Variants in ADAP2 observed in about 807,000 individuals in gnomAD.
ADAP2 encodes ArfGAP with dual PH domains 2, also known as arf-GAP with dual PH domain-containing protein 2.
A neutral mutation model predicts 54.9 loss-of-function variants in ADAP2; 42 were observed. The observed-to-expected ratio is 0.77, with a 90% CI of 0.60 to 0.99. ADAP2 has a LOEUF of 0.99. Among genes scored for constraint, ADAP2 ranks in the 50% least tolerant of loss-of-function variants. The probability of loss-of-function intolerance (pLI) is 0.00; values close to 1 mark genes in which losing one functional copy is unlikely to be tolerated. For missense variants in ADAP2, 429 were observed against 480.4 expected, an observed-to-expected ratio of 0.89 and a Z score of 1.00; for synonymous variants, 177 against 180.1, an observed-to-expected ratio of 0.98 and a Z score of 0.14.
At chr17:30,934,156 T>C in intron 4 of ADAP2, 29 bp from the exon 5 acceptor site, 1 of 1,583,438 alleles carries the variant, frequency 6.3e-7, no homozygotes, top group Non-Finnish European at 8.7e-7. Flanking sequence ...GTCACGTGTG[T>C]TCACGCTTTG....
At chr17:30,952,317 T>A (rs1369266899) in intron 7 of ADAP2, among the ~76,000 whole-genome samples, 2 of 152,138 alleles carry the variant, frequency 1.3e-5, no homozygotes, top group African/African-American at 2.4e-5. Flanking sequence ...TAGAACCAGG[T>A]CTCCCGACTT....
intron 6 of ADAP2, among the ~76,000 whole-genome samples, chr17:30,945,476 G>T (rs371148142): frequency 6.6e-6 from 1 of 152,190 alleles, no homozygotes; most frequent in Non-Finnish European, 1.5e-5. Context: ...TCAAGGCTGA[G>T]CATGGTAGCT....
chr17:30,954,317 T>A, intron 8 of ADAP2, 161 bp from the exon 9 acceptor site: 1 of 660,380 alleles, frequency 1.5e-6, no homozygotes, highest in Non-Finnish European at 2.7e-6. Flanking sequence ...AGGGCTCCTA[T>A]CCAGGCCCCA....
intron 5 of ADAP2, among the ~76,000 whole-genome samples, chr17:30,938,035 A>G (rs1257547566): frequency 6.6e-6 from 1 of 152,216 alleles, no homozygotes; most frequent in Non-Finnish European, 1.5e-5. Flanking sequence ...GGGACTGGCT[A>G]GGATCACCTA....
intron 5 of ADAP2, among the ~76,000 whole-genome samples, chr17:30,942,520 A>G (rs1912348223): frequency 2.0e-5 from 3 of 152,328 alleles, no homozygotes; most frequent in South Asian, 4.1e-4. Context: ...ATGCACTCAC[A>G]TATGTGTACC....
At chr17:30,923,615 T>A in intron 2 of ADAP2, among the ~76,000 whole-genome samples, 1 of 151,746 alleles carries the variant, frequency 6.6e-6, no homozygotes, top group East Asian at 1.9e-4. Context: ...GCTAGGTACT[T>A]TGACCTAGCT....
chr17:30,946,790 A>AG (rs1035437817), intron 6 of ADAP2, among the ~76,000 whole-genome samples: 1 of 152,208 alleles, frequency 6.6e-6, no homozygotes, highest in African/African-American at 2.4e-5. Flanking sequence ...TAACTTGCTC[A>AG]GGGTCACAGC....
At chr17:30,955,954 C>G (rs745548301) in intron 9 of ADAP2, among the ~76,000 whole-genome samples, 1 of 152,030 alleles carries the variant, frequency 6.6e-6, no homozygotes, top group Non-Finnish European at 1.5e-5. Flanking sequence ...ACTATGTTGT[C>G]CCGGTTGGTC....
intron 7 of ADAP2, among the ~76,000 whole-genome samples, chr17:30,950,284 C>T (rs1292176391): frequency 6.6e-6 from 1 of 152,144 alleles, no homozygotes; most frequent in Non-Finnish European, 1.5e-5. Context: ...TGATTGTCTC[C>T]AGACTTCTGG....
At chr17:30,939,264 AGTCCT>A (rs1912089666) in intron 5 of ADAP2, among the ~76,000 whole-genome samples, 1 of 152,158 alleles carries the variant, frequency 6.6e-6, no homozygotes, top group African/African-American at 2.4e-5. Context: ...TCTGTTTTTC[AGTCCT>A]ACGCCAGTTC....
At chr17:30,950,190 G>A (rs1355033303) in intron 7 of ADAP2, among the ~76,000 whole-genome samples, 1 of 152,192 alleles carries the variant, frequency 6.6e-6, no homozygotes, top group Non-Finnish European at 1.5e-5. Flanking sequence ...GCTTGGGAAA[G>A]CCTGGGATCC....
chr17:30,953,192 C>G (rs184174155), intron 7 of ADAP2, 96 bp from the exon 8 acceptor site: 1 of 1,056,814 alleles, frequency 9.5e-7, no homozygotes, highest in African/African-American at 1.6e-5. Flanking sequence ...ACATCCTTCC[C>G]CATTTCAAAC....
At chr17:30,934,112 C>CCTCAGAGGTTCCTGAG in intron 4 of ADAP2, 73 bp from the exon 5 acceptor site, 1 of 1,149,908 alleles carries the variant, frequency 8.7e-7, no homozygotes, top group Non-Finnish European at 1.3e-6. Context: ...CCCTTGAGAA[C>CCTCAGAGGTTCCTGAG]CTCAGAGGTT....
Position 30,957,934 on chromosome 17 carries a change from C to T in ADAP2, c.*65C>T, listed in dbSNP as rs764711071. Reference sequence around the variant, plus strand: ...ACTCCTTGTGGGAAGAAGTTTGCACCTCGGCCCTGGCTGCCCACCATCAGT... The same window carrying T: ...ACTCCTTGTGGGAAGAAGTTTGCACTTCGGCCCTGGCTGCCCACCATCAGT... On this transcript the variant is annotated 3_prime_UTR_variant, in exon 11 of 11. Transcript: ENST00000330889. 218 of 1,519,552 alleles carry T rather than the reference C, an allele frequency of 1.4e-4. No individual in the cohort carries two copies. The highest frequency in any genetic ancestry group is 1.9e-4 in the Non-Finnish European group (210 of 1,105,910). 94.1% of individuals were successfully genotyped at this position (1,519,552 alleles called of 1,614,324 possible).
At chr17:30,923,146 T>C in intron 2 of ADAP2, 76 bp downstream of exon 2, 2 of 1,544,498 alleles carry the variant, frequency 1.3e-6, no homozygotes, top group South Asian at 1.1e-5. Context: ...GCTCCCATTC[T>C]ACAGAGGGGG....
chr17:30,949,139 T>A (rs763876179), intron 6 of ADAP2, 148 bp from the exon 7 acceptor site: 2 of 618,186 alleles, frequency 3.2e-6, no homozygotes, highest in Non-Finnish European at 5.8e-6. Flanking sequence ...CCTCCCTGGA[T>A]GCCCCTGAGC....
intron 6 of ADAP2, among the ~76,000 whole-genome samples, chr17:30,945,394 C>T (rs1912592151): frequency 6.6e-6 from 1 of 152,102 alleles, no homozygotes; most frequent in Non-Finnish European, 1.5e-5. Flanking sequence ...GACAGTCAGG[C>T]AGCAGTGCAC....
Position 30,955,700 on chromosome 17 carries a change from C to CA in ADAP2, c.883-528dup, listed in dbSNP as rs61109751. The stretch of plus-strand genomic sequence containing the variant: ...CTGGGTGCAGAGTGAGACTCCGTCT[C>CA]AAAAAAAAAAAAAGAAAGAAAAAAA... On this transcript the variant is annotated intron_variant, in intron 9 of 10. Coordinates refer to ENST00000330889, the MANE Select transcript of ADAP2 (RefSeq NM_018404.3). Among the ~76,000 whole-genome samples, 1,013 of 104,080 alleles carry CA rather than the reference C, an allele frequency of 9.7e-3. 11 individuals are homozygous for CA. The highest frequency in any genetic ancestry group is 0.031 in the African/African-American group (875 of 28,140). The allele number at this position is 104,080 out of a possible 152,430, so 68.3% of individuals were successfully genotyped here. A position where few individuals can be genotyped will look rare whatever the true frequency, so the allele number is the denominator to read the frequency against.
chr17:30,954,665 G>C, intron 9 of ADAP2, 110 bp downstream of exon 9: 2 of 922,208 alleles, frequency 2.2e-6, no homozygotes, highest in Non-Finnish European at 3.4e-6. Context: ...GAGCCCCAGA[G>C]CTAGAGAAAC....
Sources: allele counts gnomAD v4.1 joint callset (sites outside exome capture counted in the v4.1 genomes callset), GRCh38; gene constraint gnomAD v4.1.1; transcripts MANE v1.5; gene names NCBI Gene and HGNC (gene_info 2026-07-23, HGNC 2026-07-21).